The following SDCCAG8 variants were observed in gnomAD, a reference collection of about 807,000 sequenced individuals.
SDCCAG8 encodes the protein SHH signaling and ciliogenesis regulator SDCCAG8, also known as serologically defined colon cancer antigen 8.
In SDCCAG8, 74 loss-of-function variants were observed where a neutral mutation model predicts 101.8. The observed-to-expected ratio is 0.73, with a 90% CI of 0.60 to 0.88. SDCCAG8 has a LOEUF of 0.88. Among genes scored for constraint, SDCCAG8 ranks in the 40% least tolerant of loss-of-function variants. The pLI is 0.00. For synonymous variants in SDCCAG8, 281 were observed against 292.9 expected (o/e 0.96, Z 0.41); for missense variants, 787 against 822.6 (o/e 0.96, Z 0.53).
intron 10 of SDCCAG8, among the ~76,000 whole-genome samples, chr1:243,338,210 C>G (rs531492759): frequency 6.6e-6 from 1 of 152,112 alleles, no homozygotes; most frequent in African/African-American, 2.4e-5. Context: ...CCACAGTGCC[C>G]GGCCTTTCTA....
intron 1 of SDCCAG8, among the ~76,000 whole-genome samples, chr1:243,262,656 T>A (rs918354658): frequency 1.6e-4 from 24 of 152,206 alleles, no homozygotes; most frequent in African/African-American, 5.8e-4. Flanking sequence ...GAAATAGGTA[T>A]AGAGTAAGTT....
chr1:243,353,118 G>T (rs1476918094), intron 12 of SDCCAG8, among the ~76,000 whole-genome samples: 1 of 152,134 alleles, frequency 6.6e-6, no homozygotes, highest in Non-Finnish European at 1.5e-5. Context: ...ATGTCAAAGA[G>T]AACATAGTAG....
intron 16 of SDCCAG8, among the ~76,000 whole-genome samples, chr1:243,469,226 T>G (rs564350462): frequency 5.3e-5 from 8 of 152,222 alleles, no homozygotes; most frequent in African/African-American, 1.9e-4. Context: ...TTAGGCTGAT[T>G]TGTCATTTTT....
At chr1:243,399,545 C>T (rs1407984777) in intron 13 of SDCCAG8, among the ~76,000 whole-genome samples, 4 of 151,968 alleles carry the variant, frequency 2.6e-5, no homozygotes, top group Non-Finnish European at 5.9e-5. Context: ...CTCACTCTGT[C>T]GCCCAGGCTA....
At chr1:243,491,541 T>C (rs1666415740) in intron 17 of SDCCAG8, among the ~76,000 whole-genome samples, 1 of 152,214 alleles carries the variant, frequency 6.6e-6, no homozygotes, top group Non-Finnish European at 1.5e-5. Flanking sequence ...GTTTGCAAGC[T>C]CTCTGCTGAA....
chr1:243,358,681 G>T (rs766815803), intron 12 of SDCCAG8, among the ~76,000 whole-genome samples: 2 of 152,068 alleles, frequency 1.3e-5, no homozygotes, highest in African/African-American at 2.4e-5. Flanking sequence ...ATTCATAGTA[G>T]CCCCAAACTG....
chr1:243,435,990 C>G (rs1221704903), intron 16 of SDCCAG8, among the ~76,000 whole-genome samples: 1 of 152,066 alleles, frequency 6.6e-6, no homozygotes, highest in Non-Finnish European at 1.5e-5. Flanking sequence ...GTATCCACCA[C>G]CAGAGTGGTA....
chr1:243,424,073 GTAGA>G (rs2081188407), intron 15 of SDCCAG8, among the ~76,000 whole-genome samples: 1 of 152,036 alleles, frequency 6.6e-6, no homozygotes, highest in African/African-American at 2.4e-5. Flanking sequence ...TGTTTCTTCT[GTAGA>G]TATTTTCAAT....
chr1:243,488,598 C>T (rs533587050), intron 16 of SDCCAG8: 1 of 248,532 alleles, frequency 4.0e-6, no homozygotes, highest in Non-Finnish European at 8.0e-6. Context: ...TAATGGAAAA[C>T]CCTTACTTCA....
At chr1:243,410,667 G>T (rs2080109161) in intron 13 of SDCCAG8, among the ~76,000 whole-genome samples, 1 of 152,088 alleles carries the variant, frequency 6.6e-6, no homozygotes, top group Non-Finnish European at 1.5e-5. Context: ...CAGGGTCATT[G>T]TTGAGCTAAA....
intron 10 of SDCCAG8, among the ~76,000 whole-genome samples, chr1:243,333,659 A>C (rs1255775886): frequency 6.6e-6 from 1 of 152,210 alleles, no homozygotes; most frequent in Non-Finnish European, 1.5e-5. Flanking sequence ...TGCTATGTTC[A>C]CTGAAGATCT....
intron 5 of SDCCAG8, among the ~76,000 whole-genome samples, chr1:243,288,774 C>G (rs1157495220): frequency 6.6e-6 from 1 of 151,976 alleles, no homozygotes; most frequent in Non-Finnish European, 1.5e-5. Flanking sequence ...TTTGGGAGAC[C>G]AAGGTGGGTG....
chr1:243,402,553 C>G (rs1292899692), intron 13 of SDCCAG8, among the ~76,000 whole-genome samples: 1 of 151,860 alleles, frequency 6.6e-6, no homozygotes, highest in Non-Finnish European at 1.5e-5. Context: ...TTTCCTAAGT[C>G]TTCACACCCC....
chr1:243,486,888 C>T (rs1208428154), intron 16 of SDCCAG8, among the ~76,000 whole-genome samples: 1 of 152,036 alleles, frequency 6.6e-6, no homozygotes, highest in Non-Finnish European at 1.5e-5. Context: ...TCATTTGTCA[C>T]GTTTCTGTTC....
chr1:243,335,623 CATTT>C (rs1045151925), intron 10 of SDCCAG8, among the ~76,000 whole-genome samples: 1 of 152,072 alleles, frequency 6.6e-6, no homozygotes, highest in Non-Finnish European at 1.5e-5. Flanking sequence ...TTTTATGTAT[CATTT>C]ATTTATTTAT....
Position 243,426,922 on chromosome 1 carries a change from A to G in SDCCAG8, c.1985+364A>G, listed in dbSNP as rs1198296172. ...TTATATGCTTTTTGTAAGGTAAAGCACATAGTAGGTCTAAAGAGGTTAAAC... is the reference window on the plus strand; with the variant it reads ...TTATATGCTTTTTGTAAGGTAAAGCGCATAGTAGGTCTAAAGAGGTTAAAC... On this transcript the variant is annotated intron_variant, in intron 16 of 17. Coordinates refer to ENST00000366541, the MANE Select transcript of SDCCAG8 (RefSeq NM_006642.5). Among the ~76,000 whole-genome samples the G allele has an allele frequency of 3.9e-5, 6 of 152,236 alleles. No homozygotes were observed. In the South Asian group the frequency reaches 1.2e-3, roughly 32 times the overall value.
intron 1 of SDCCAG8, chr1:243,267,729 G>T: frequency 2.5e-6 from 2 of 797,918 alleles, no homozygotes; most frequent in South Asian, 2.7e-5. Flanking sequence ...CATGGTAATT[G>T]TTCAAATCTT....
At chr1:243,295,379 A>C (rs895082278) in intron 6 of SDCCAG8, among the ~76,000 whole-genome samples, 7 of 152,094 alleles carry the variant, frequency 4.6e-5, no homozygotes, top group African/African-American at 1.7e-4. Flanking sequence ...CTGGGACTAC[A>C]GGTGTGCGCC....
At chr1:243,426,628 T>C in intron 16 of SDCCAG8, 70 bp downstream of exon 16, 2 of 1,576,056 alleles carry the variant, frequency 1.3e-6, no homozygotes, top group Non-Finnish European at 1.7e-6. Context: ...TGAAGGGGAA[T>C]TGCTGCGGAA....
Sources: allele counts gnomAD v4.1 joint callset (sites outside exome capture counted in the v4.1 genomes callset), GRCh38; gene constraint gnomAD v4.1.1; transcripts MANE v1.5; gene names NCBI Gene and HGNC (gene_info 2026-07-23, HGNC 2026-07-21).